The following PCDHB11 variants were observed in gnomAD, a reference collection of about 807,000 sequenced individuals.
PCDHB11 encodes protocadherin beta-11.
For missense variants in PCDHB11, 1,151 were observed against 1,003.4 expected, an observed-to-expected ratio of 1.15 and a Z score of -1.99; for synonymous variants, 522 against 442.0, an observed-to-expected ratio of 1.18 and a Z score of -2.27.
Position 141,201,043 on chromosome 5 carries a change from C to T in PCDHB11, c.1269C>T (p.Val423=), listed in dbSNP as rs1554285475. The T allele has an allele frequency of 1.9e-6, 3 of 1,614,248 alleles. No individual in the cohort carries two copies. Among genetic ancestry groups the T allele is most frequent in the African/African-American group, 1.3e-5 (1 of 75,068 alleles). The change falls in exon 1 of 1, where the codon GTC becomes GTT. Residue 423 remains valine (V), a synonymous_variant. Coordinates refer to ENST00000354757, the MANE Select transcript of PCDHB11 (RefSeq NM_018931.3). The part of the protein sequence containing the change: ...STAEYNITIT[V]TDLGIPRLKT... ...CCGAGTACAATATCACCATCACCGTCACCGACTTGGGGATACCCAGGCTGA... is the reference window on the plus strand; with the variant it reads ...CCGAGTACAATATCACCATCACCGTTACCGACTTGGGGATACCCAGGCTGA...
At position 141,201,937 on chromosome 5, in the gene PCDHB11, G is replaced by C. The variant is rs638054; in HGVS notation, c.2163G>C (p.Ser721=). 95 of 1,613,894 alleles carry C rather than the reference G, an allele frequency of 5.9e-5. No homozygotes were observed. In the South Asian group the frequency reaches 9.8e-4, roughly 17 times the overall value. ...TGTGCAGGAGGAGCAGGGCGGCCTC[G>C]GTGGGAAGCTGCTCGGTGCCTAAGG... ...VRLCRRSRAA[S]VGSCSVPKGP... is the part of the protein sequence containing the mutation. The change falls in exon 1 of 1, where the codon TCG becomes TCC. Residue 721 remains serine (S), a synonymous_variant. Transcript: ENST00000354757.
In PCDHB11 at chr5:141,202,461, G is replaced by A. The variant is rs1754228324; in HGVS notation, c.*293G>A. ...ATTACAGGCGCCCACCACCACGCTC[G>A]GCTAAATTTTTTTTTTTTTTATCTT... On this transcript the variant is annotated 3_prime_UTR_variant, in exon 1 of 1. Transcript: ENST00000354757. The A allele has an allele frequency of 4.5e-6, 1 of 223,508 alleles. No individual in the cohort carries two copies. 13.8% of individuals were successfully genotyped at this position (223,508 alleles called of 1,614,324 possible).
In PCDHB11 at chr5:141,200,859, A is replaced by C. The variant is rs1554285400; in HGVS notation, c.1085A>C (p.Glu362Ala). Residue 362 changes from glutamate (E) to alanine (A), a missense_variant, in exon 1 of 1, where the codon GAG becomes GCG. Coordinates refer to ENST00000354757, the MANE Select transcript of PCDHB11 (RefSeq NM_018931.3). Reference sequence around the variant, plus strand: ...AGTCCAATCCCAGAAAATACGCCAGAGACCGTGGTTATGGTTTTTAGTATC... The same window carrying C: ...AGTCCAATCCCAGAAAATACGCCAGCGACCGTGGTTATGGTTTTTAGTATC... ...ITSPIPENTP[E>A]TVVMVFSIQD... 6.2e-7 allele frequency: 1 copy of C among 1,614,236 alleles called. No homozygotes were observed. Among genetic ancestry groups the C allele is most frequent in the Admixed American group, 1.7e-5 (1 of 60,020 alleles).
At position 141,202,126 on chromosome 5, in the gene PCDHB11, A is replaced by G. The variant is rs781802109; in HGVS notation, c.2352A>G (p.Glu784=). The stretch of plus-strand genomic sequence containing the variant: ...CAAAAGGTCTTGGGAAGAATAGTGA[A>G]GAAAACTCCACCTTTCGAAATAGCT... The part of the protein sequence containing the change: ...IQAKGLGKNS[E]ENSTFRNSFG... Residue 784 remains glutamate, a synonymous_variant, in exon 1 of 1, where the codon GAA becomes GAG. Transcript: ENST00000354757. 1.9e-6 allele frequency: 3 copies of G among 1,612,338 alleles called. No individual in the cohort carries two copies. Among genetic ancestry groups the G allele is most frequent in the Non-Finnish European group, 2.5e-6 (3 of 1,178,950 alleles).
In PCDHB11 at chr5:141,200,199, T is replaced by C; in HGVS notation, c.425T>C (p.Ile142Thr). ...TCGGAAAAACAAATGCTCCTAGAAA[T>C]CCCAGAGAACAGTCCCGTTGGTGCT... ...IFSEKQMLLE[I>T]PENSPVGAVF... Residue 142 changes from isoleucine (I) to threonine (T), a missense_variant, in exon 1 of 1, where the codon ATC becomes ACC. Transcript: ENST00000354757. 1 of 1,614,036 alleles carries C rather than the reference T, an allele frequency of 6.2e-7. No individual in the cohort carries two copies. The highest frequency in any genetic ancestry group is 8.5e-7 in the Non-Finnish European group (1 of 1,180,014).
At position 141,202,311 on chromosome 5, in the gene PCDHB11, T is replaced by G; in HGVS notation, c.*143T>G. ...TTCTTTTCTCCCCCAATTTTTTTTT[T>G]TTTTTTGAGACCGAGTCTCATTCTG... On this transcript the variant is annotated 3_prime_UTR_variant, in exon 1 of 1. Coordinates refer to ENST00000354757, the MANE Select transcript of PCDHB11 (RefSeq NM_018931.3). 1 of 835,566 alleles carries G rather than the reference T, an allele frequency of 1.2e-6. No homozygotes were observed. Among genetic ancestry groups the G allele is most frequent in the Non-Finnish European group, 1.8e-6 (1 of 562,402 alleles). 51.8% of individuals were successfully genotyped at this position (835,566 alleles called of 1,614,324 possible).
At position 141,201,048 on chromosome 5, in the gene PCDHB11, A is replaced by C; in HGVS notation, c.1274A>C (p.Asp425Ala). The change falls in exon 1 of 1, where the codon GAC becomes GCC. Residue 425 changes from aspartate to alanine, a missense_variant. Transcript: ENST00000354757. ...AEYNITITVT[D>A]LGIPRLKTEH... Reference sequence around the variant, plus strand: ...TACAATATCACCATCACCGTCACCGACTTGGGGATACCCAGGCTGAAAACC... The same window carrying C: ...TACAATATCACCATCACCGTCACCGCCTTGGGGATACCCAGGCTGAAAACC... The C allele has an allele frequency of 6.2e-7, 1 of 1,614,188 alleles. No individual in the cohort carries two copies. The highest frequency in any genetic ancestry group is 8.5e-7 in the Non-Finnish European group (1 of 1,180,040).
In PCDHB11 at chr5:141,200,140, G is replaced by T. The variant is rs782031350; in HGVS notation, c.366G>T (p.Gln122His). ...NPTQFLQIEL[Q>H]VRDINDHSPI... Reference sequence around the variant, plus strand: ...CGCAGTTTTTACAAATTGAGCTTCAGGTCAGGGATATAAATGATCACTCTC... The same window carrying T: ...CGCAGTTTTTACAAATTGAGCTTCATGTCAGGGATATAAATGATCACTCTC... Residue 122 changes from glutamine (Q) to histidine (H), a missense_variant, in exon 1 of 1, where the codon CAG (glutamine) becomes CAT (histidine). Gln to His is a conservative substitution (Grantham distance 24). Transcript: ENST00000354757. 1.2e-6 allele frequency: 2 copies of T among 1,614,008 alleles called. No individual in the cohort carries two copies. Among genetic ancestry groups the T allele is most frequent in the South Asian group, 1.1e-5 (1 of 91,082 alleles).
In PCDHB11 at chr5:141,199,805, A is replaced by G. The variant is rs782283304; in HGVS notation, c.31A>G (p.Ile11Val). 6.2e-7 allele frequency: 1 copy of G among 1,614,238 alleles called. No homozygotes were observed. Among genetic ancestry groups the G allele is most frequent in the South Asian group, 1.1e-5 (1 of 91,090 alleles). The stretch of plus-strand genomic sequence containing the variant: ...GAACCAAGGGACACGCACTCAGCAG[A>G]TAAGGCAAGTCCTGCTTCTCTTTGT... MENQGTRTQQIRQVLLLFVLL... is the reference protein window; with the variant it reads MENQGTRTQQVRQVLLLFVLL... The change falls in exon 1 of 1, where the codon ATA becomes GTA. Residue 11 changes from isoleucine to valine, a missense_variant. Ile to Val is a conservative substitution (Grantham distance 29). Coordinates refer to ENST00000354757, the MANE Select transcript of PCDHB11 (RefSeq NM_018931.3).
In PCDHB11 at chr5:141,201,554, G is replaced by C. The variant is rs1183217649; in HGVS notation, c.1780G>C (p.Gly594Arg). Residue 594 changes from glycine (G) to arginine (R), a missense_variant, in exon 1 of 1, where the codon GGC becomes CGC. Physicochemically the swap from Gly to Arg is moderately radical, Grantham distance 125. Transcript: ENST00000354757. ...YLVTKVVAVD[G>R]DSGQNAWLSY... is the part of the protein sequence containing the mutation. The stretch of plus-strand genomic sequence containing the variant: ...GGTGACCAAGGTGGTGGCGGTGGAC[G>C]GCGACTCGGGCCAGAACGCCTGGCT... 6.2e-6 allele frequency: 10 copies of C among 1,608,572 alleles called. No homozygotes were observed. The highest frequency in any genetic ancestry group is 1.7e-5 in the Admixed American group (1 of 59,906).
rs1204965036 is a variant in PCDHB11 at position 141,201,564 on chromosome 5, G to A, written c.1790G>A (p.Gly597Asp). 1.4e-5 allele frequency: 22 copies of A among 1,608,582 alleles called. No homozygotes were observed. Among genetic ancestry groups the A allele is most frequent in the Non-Finnish European group, 1.6e-5 (19 of 1,179,208 alleles). ...TKVVAVDGDS[G>D]QNAWLSYQLL... ...GTGGTGGCGGTGGACGGCGACTCGG[G>A]CCAGAACGCCTGGCTGTCGTACCAG... The change falls in exon 1 of 1, where the codon GGC (glycine) becomes GAC (aspartate). Residue 597 changes from glycine (G) to aspartate (D), a missense_variant. Physicochemically the swap from Gly to Asp is moderately conservative, Grantham distance 94. Transcript: ENST00000354757.
rs782134174 is a variant in PCDHB11 at position 141,200,843 on chromosome 5, C to T, written c.1069C>T (p.Pro357Ser). 235 of 1,614,030 alleles carry T rather than the reference C, an allele frequency of 1.5e-4. No individual in the cohort carries two copies. Among genetic ancestry groups the T allele is most frequent in the Non-Finnish European group, 1.9e-4 (221 of 1,180,040 alleles). The change falls in exon 1 of 1, where the codon CCA (proline) becomes TCA (serine). Residue 357 changes from proline (P) to serine (S), a missense_variant. Pro to Ser is a moderately conservative substitution (Grantham distance 74). Transcript: ENST00000354757. ...TGTGTCATCAATTACCAGTCCAATC[C>T]CAGAAAATACGCCAGAGACCGTGGT... ...ITVSSITSPI[P>S]ENTPETVVMV...
rs782291083 is a variant in PCDHB11 at position 141,199,835 on chromosome 5, C to A, written c.61C>A (p.Leu21Ile). 1.2e-5 allele frequency: 20 copies of A among 1,614,168 alleles called. No homozygotes were observed. Among genetic ancestry groups the A allele is most frequent in the Non-Finnish European group, 1.7e-5 (20 of 1,180,040 alleles). The change falls in exon 1 of 1, where the codon CTC (leucine) becomes ATC (isoleucine). Residue 21 changes from leucine to isoleucine, a missense_variant. Leu to Ile is a conservative substitution (Grantham distance 5, BLOSUM62 2). Coordinates refer to ENST00000354757, the MANE Select transcript of PCDHB11 (RefSeq NM_018931.3). ...GCAAGTCCTGCTTCTCTTTGTTTTGCTCGGAATGTCTCAGGCGGGCTCTGA... is the reference window on the plus strand; with the variant it reads ...GCAAGTCCTGCTTCTCTTTGTTTTGATCGGAATGTCTCAGGCGGGCTCTGA... Reference protein sequence around the residue: ...IRQVLLLFVLLGMSQAGSETW... With the variant: ...IRQVLLLFVLIGMSQAGSETW...
chr5:141,200,316 A>C lies in PCDHB11; in HGVS notation c.542A>C (p.Lys181Thr), dbSNP rs116773151. ...AGCCCCAACTCTCATTTTCACATTAAAATGAGAGTCATTCCAGACAATAGG... is the reference window on the plus strand; with the variant it reads ...AGCCCCAACTCTCATTTTCACATTACAATGAGAGTCATTCCAGACAATAGG... ...TISPNSHFHI[K>T]MRVIPDNRKY... Residue 181 changes from lysine (K) to threonine (T), a missense_variant, in exon 1 of 1, where the codon AAA (lysine) becomes ACA (threonine). By Grantham distance (78) the Lys-to-Thr change is moderately conservative (BLOSUM62 -1). Coordinates refer to ENST00000354757, the MANE Select transcript of PCDHB11 (RefSeq NM_018931.3). 665 of 1,614,182 alleles carry C rather than the reference A, an allele frequency of 4.1e-4. 2 individuals are homozygous for C. The African/African-American group carries it at 8.1e-3, about 20-fold the overall frequency.
chr5:141,200,362 GGAC>G lies in PCDHB11; in HGVS notation c.589_591del (p.Asp197del), dbSNP rs782126743. 2.0e-5 allele frequency: 32 copies of G among 1,614,010 alleles called. 1 individual carries two copies. Among genetic ancestry groups the G allele is most frequent in the Non-Finnish European group, 2.6e-5 (31 of 1,180,018 alleles). The stretch of plus-strand genomic sequence containing the variant: ...ATAGGAAATACCCCGAGTTAGTTCT[GGAC>G]AAGGCGCTGGATTATGAAGAGCTCC... On this transcript the variant is annotated inframe_deletion, in exon 1 of 1. Coordinates refer to ENST00000354757, the MANE Select transcript of PCDHB11 (RefSeq NM_018931.3).
In PCDHB11 at chr5:141,201,337, C is replaced by T. The variant is rs1554285570; in HGVS notation, c.1563C>T (p.Tyr521=). ...GHLFALRSLD[Y]EALQAFDFRV... Reference sequence around the variant, plus strand: ...TGTTCGCCCTCAGGTCGCTGGACTACGAGGCCCTGCAGGCTTTCGACTTCC... The same window carrying T: ...TGTTCGCCCTCAGGTCGCTGGACTATGAGGCCCTGCAGGCTTTCGACTTCC... The change falls in exon 1 of 1, where the codon TAC becomes TAT. Residue 521 remains tyrosine, a synonymous_variant. Coordinates refer to ENST00000354757, the MANE Select transcript of PCDHB11 (RefSeq NM_018931.3). 1.2e-6 allele frequency: 2 copies of T among 1,613,424 alleles called. No homozygotes were observed. The highest frequency in any genetic ancestry group is 8.5e-7 in the Non-Finnish European group (1 of 1,179,942).
At position 141,202,255 on chromosome 5, in the gene PCDHB11, A is replaced by G. The variant is rs1249521064; in HGVS notation, c.*87A>G. ...TTAGTCTTAAACTAGTTACGTTATT[A>G]TGCAATACGACTAATTGTATTTTTA... is the stretch of plus-strand genomic sequence containing the variant. On this transcript the variant is annotated 3_prime_UTR_variant, in exon 1 of 1. Transcript: ENST00000354757. The G allele has an allele frequency of 1.7e-5, 20 of 1,165,032 alleles. No homozygotes were observed. Among genetic ancestry groups the G allele is most frequent in the Non-Finnish European group, 2.1e-5 (18 of 841,200 alleles). The allele number at this position is 1,165,032 out of a possible 1,614,324, so 72.2% of individuals were successfully genotyped here. A position where few individuals can be genotyped will look rare whatever the true frequency, so the allele number is the denominator to read the frequency against.
rs1554285235 is a variant in PCDHB11, at chr5:141,200,209, C to G, written c.435C>G (p.Asn145Lys). 1.2e-6 allele frequency: 2 copies of G among 1,614,078 alleles called. No homozygotes were observed. Among genetic ancestry groups the G allele is most frequent in the African/African-American group, 2.7e-5 (2 of 74,930 alleles). Residue 145 changes from asparagine (N) to lysine (K), a missense_variant, in exon 1 of 1, where the codon AAC becomes AAG. Asn to Lys is a moderately conservative substitution (Grantham distance 94, BLOSUM62 0). Coordinates refer to ENST00000354757, the MANE Select transcript of PCDHB11 (RefSeq NM_018931.3). ...AAATGCTCCTAGAAATCCCAGAGAACAGTCCCGTTGGTGCTGTGTTCTTAC... is the reference window on the plus strand; with the variant it reads ...AAATGCTCCTAGAAATCCCAGAGAAGAGTCCCGTTGGTGCTGTGTTCTTAC... Reference protein sequence around the residue: ...EKQMLLEIPENSPVGAVFLLE... With the variant: ...EKQMLLEIPEKSPVGAVFLLE...
At position 141,201,768 on chromosome 5, in the gene PCDHB11, G is replaced by C; in HGVS notation, c.1994G>C (p.Gly665Ala). 6.2e-7 allele frequency: 1 copy of C among 1,609,170 alleles called. No individual in the cohort carries two copies. The highest frequency in any genetic ancestry group is 8.5e-7 in the Non-Finnish European group (1 of 1,179,756). ...TATLQVLLVD[G>A]FSQPYLPLPE... ...ACGCTGCAAGTGCTCCTGGTGGACGGCTTCTCCCAGCCCTACCTGCCGCTC... is the reference window on the plus strand; with the variant it reads ...ACGCTGCAAGTGCTCCTGGTGGACGCCTTCTCCCAGCCCTACCTGCCGCTC... The change falls in exon 1 of 1, where the codon GGC (glycine) becomes GCC (alanine). Residue 665 changes from glycine to alanine, a missense_variant. Physicochemically the swap from Gly to Ala is moderately conservative, Grantham distance 60. Transcript: ENST00000354757.
Sources: allele counts gnomAD v4.1 joint callset, GRCh38; gene constraint gnomAD v4.1.1; transcripts MANE v1.5; gene names NCBI Gene and HGNC (gene_info 2026-07-23, HGNC 2026-07-21).